TKT: variants seen among roughly 807,000 people sequenced by gnomAD.
TKT encodes the protein epididymis luminal protein 107.
A neutral mutation model predicts 63.9 loss-of-function variants in TKT; 47 were observed. The ratio of observed to expected loss-of-function variants is 0.74; its 90% CI spans 0.58 to 0.94. The LOEUF (loss-of-function observed/expected upper bound fraction) is 0.94, where lower values mean the gene tolerates loss of function less well. Among genes scored for constraint, TKT ranks in the 40% least tolerant of loss-of-function variants. The pLI, the probability that TKT is intolerant of heterozygous loss-of-function variation, is 0.00. For missense variants in TKT, 721 were observed against 846.2 expected, an observed-to-expected ratio of 0.85 and a Z score of 1.84; for synonymous variants, 338 against 334.1, an observed-to-expected ratio of 1.01 and a Z score of -0.13.
At chr3:53,230,734 T>C in intron 7 of TKT, 113 bp from the exon 8 acceptor site, 1 of 1,311,984 alleles carries the variant, frequency 7.6e-7, no homozygotes, top group Non-Finnish European at 1.0e-6. Flanking sequence ...ATGGAAGCCC[T>C]GGAGCACAAG....
intron 4 of TKT, among the ~76,000 whole-genome samples, chr3:53,236,912 T>C (rs2884495): frequency 0.38 from 58,186 of 151,934 alleles, 11,867 homozygotes; most frequent in East Asian, 0.57. Flanking sequence ...GCTGTTAGAG[T>C]TAGGGGTGGG....
Position 53,231,517 on chromosome 3 carries a change from G to A in TKT, c.782C>T (p.Pro261Leu), listed in dbSNP as rs942850990. The A allele has an allele frequency of 3.1e-6, 5 of 1,614,122 alleles. No homozygotes were observed. The highest frequency in any genetic ancestry group is 4.2e-6 in the Non-Finnish European group (5 of 1,180,012). ...VEDKESWHGK[P>L]LPKNMAEQII... is the part of the protein sequence containing the mutation. ...CTGCTCAGCCATGTTTTTGGGGAGGGGCTTCCCATGCCAAGACTCCTTATC... is the reference window on the plus strand; with the variant it reads ...CTGCTCAGCCATGTTTTTGGGGAGGAGCTTCCCATGCCAAGACTCCTTATC... Residue 261 changes from proline (P) to leucine (L), a missense_variant, in exon 7 of 14, where the codon CCC (proline) becomes CTC (leucine). Transcript: ENST00000462138.
At chr3:53,238,872 A>C (rs1228305531) in intron 4 of TKT, among the ~76,000 whole-genome samples, 1 of 152,234 alleles carries the variant, frequency 6.6e-6, no homozygotes, top group Admixed American at 6.5e-5. Flanking sequence ...ACAGCACATG[A>C]GCACTGAGCA....
At position 53,242,258 on chromosome 3, in the gene TKT, G is replaced by A. The variant is rs1553680083; in HGVS notation, c.108-16C>T. On this transcript the variant is annotated splice_polypyrimidine_tract_variant and intron_variant, in intron 1 of 13. Transcript: ENST00000462138. ...CGTGGGGTGGCTGTGGCCCAGGAGA[G>A]AAGACAGACACAGGCATCATGGCCC... 2.5e-6 allele frequency: 4 copies of A among 1,611,882 alleles called. No individual in the cohort carries two copies. Among genetic ancestry groups the A allele is most frequent in the Non-Finnish European group, 3.4e-6 (4 of 1,178,400 alleles).
At chr3:53,227,768 A>G in intron 12 of TKT, 1 of 350,386 alleles carries the variant, frequency 2.9e-6, no homozygotes, top group Non-Finnish European at 5.3e-6. Context: ...ATTCCAGCCC[A>G]GCTGGCAGGC....
At chr3:53,239,591 T>TC (rs1346617319) in intron 4 of TKT, among the ~76,000 whole-genome samples, 1 of 151,812 alleles carries the variant, frequency 6.6e-6, no homozygotes, top group African/African-American at 2.4e-5. Context: ...TACAACCTCA[T>TC]CCCCCCAGGC....
chr3:53,255,812 C>A, intron 1 of TKT, 24 bp downstream of exon 1: 1 of 1,450,990 alleles, frequency 6.9e-7, no homozygotes, highest in Non-Finnish European at 9.1e-7. Context: ...CGAGCCGCGT[C>A]CCCGGCCGGC....
At chr3:53,231,008 C>T (rs548658160) in intron 7 of TKT, among the ~76,000 whole-genome samples, 5 of 152,234 alleles carry the variant, frequency 3.3e-5, no homozygotes, top group Admixed American at 6.5e-5. Flanking sequence ...GACAGCTCTG[C>T]CTAGCCTTTC....
At chr3:53,254,818 A>G (rs1220827249) in intron 1 of TKT, among the ~76,000 whole-genome samples, 1 of 152,230 alleles carries the variant, frequency 6.6e-6, no homozygotes, top group Admixed American at 6.5e-5. Context: ...CTCCAGCTGC[A>G]TGCACGGTGG....
chr3:53,242,013 C>T, intron 2 of TKT, 112 bp downstream of exon 2: 3 of 977,702 alleles, frequency 3.1e-6, no homozygotes, highest in Middle Eastern at 5.6e-4. Context: ...GAGAAGGCAC[C>T]TGGGAGAGGT....
chr3:53,232,259 C>A (rs924668517), intron 6 of TKT: 8 of 397,952 alleles, frequency 2.0e-5, no homozygotes, highest in Non-Finnish European at 3.5e-5. Flanking sequence ...TTTTTAACAC[C>A]AGAGGGCAGT....
chr3:53,226,468 C>T (rs1704501844), intron 13 of TKT: 1 of 430,506 alleles, frequency 2.3e-6, no homozygotes, highest in Non-Finnish European at 4.2e-6. Context: ...TTCCACCCTA[C>T]ACTACCTCAG....
At position 53,255,852 on chromosome 3, in the gene TKT, T is replaced by C; in HGVS notation, c.91A>G (p.Thr31Ala). Reference sequence around the variant, plus strand: ...CGCACTCACCCAGAGCCCGCCGCAGTGGTGGCCTGGATGGAGCTGATACGT... The same window carrying C: ...CGCACTCACCCAGAGCCCGCCGCAGCGGTGGCCTGGATGGAGCTGATACGT... ...RLRISSIQATTAAGSGHPTSC... is the reference protein window; with the variant it reads ...RLRISSIQATAAAGSGHPTSC... Residue 31 changes from threonine to alanine, a missense_variant, in exon 1 of 14, where the codon ACT becomes GCT. By Grantham distance (58) the Thr-to-Ala change is moderately conservative. Coordinates refer to ENST00000462138, the MANE Select transcript of TKT (RefSeq NM_001064.4). 3 of 1,534,720 alleles carry C rather than the reference T, an allele frequency of 2.0e-6. No individual in the cohort carries two copies. The highest frequency in any genetic ancestry group is 2.6e-6 in the Non-Finnish European group (3 of 1,140,770).
At position 53,236,228 on chromosome 3, in the gene TKT, G is replaced by T. The variant is rs542590349; in HGVS notation, c.438-1054C>A. On this transcript the variant is annotated intron_variant, in intron 4 of 13. Transcript: ENST00000462138. ...ACATGGCTGCCCTCCTGCTCCTGCA[G>T]GAAAAGGCCCTCAACCCGGCTGCAT... is the stretch of plus-strand genomic sequence containing the variant. Among the ~76,000 whole-genome samples the T allele has an allele frequency of 2.4e-4, 37 of 152,330 alleles. 2 individuals carry two copies. The South Asian group carries it at 6.6e-3, about 27-fold the overall frequency.
chr3:53,249,045 C>T (rs1360257356), intron 1 of TKT, among the ~76,000 whole-genome samples: 2 of 151,988 alleles, frequency 1.3e-5, no homozygotes, highest in African/African-American at 4.8e-5. Flanking sequence ...TGGCTCACTG[C>T]AACCTCCGCC....
intron 3 of TKT, among the ~76,000 whole-genome samples, chr3:53,240,850 A>G (rs949394183): frequency 6.6e-6 from 1 of 152,112 alleles, no homozygotes; most frequent in Non-Finnish European, 1.5e-5. Flanking sequence ...GTAGCTACCT[A>G]GCCAAGGAGG....
chr3:53,229,342 C>T lies in TKT; in HGVS notation c.1202G>A (p.Arg401His). The change falls in exon 9 of 14, where the codon CGC (arginine) becomes CAC (histidine). Residue 401 changes from arginine (R) to histidine (H), a missense_variant. Coordinates refer to ENST00000462138, the MANE Select transcript of TKT (RefSeq NM_001064.4). ...GTTGCTCTCGGAGATGGCGGCCATG[C>T]GAATCTGGTCAAAGGCCCGCGTGAA... ...AFFTRAFDQI[R>H]MAAISESNIN... The T allele has an allele frequency of 5.0e-6, 8 of 1,613,842 alleles. No individual in the cohort carries two copies. The highest frequency in any genetic ancestry group is 1.1e-5 in the South Asian group (1 of 91,054).
intron 12 of TKT, 25 bp downstream of exon 12, chr3:53,228,031 G>T: frequency 6.2e-7 from 1 of 1,606,872 alleles, no homozygotes; most frequent in South Asian, 1.1e-5. Context: ...CTCAGTTGAT[G>T]ACTTTGGAGG....
At position 53,255,541 on chromosome 3, in the gene TKT, G is replaced by A. The variant is rs193300587; in HGVS notation, c.107+295C>T. ...GGCGAGTCGCGAGCCCATCCCCCGCGCCACCATGCAGCTGCGCGGCCGGCG... is the reference window on the plus strand; with the variant it reads ...GGCGAGTCGCGAGCCCATCCCCCGCACCACCATGCAGCTGCGCGGCCGGCG... On this transcript the variant is annotated intron_variant, in intron 1 of 13. Transcript: ENST00000462138. Among the ~76,000 whole-genome samples, 427 of 152,308 alleles carry A rather than the reference G, an allele frequency of 2.8e-3. 3 individuals are homozygous for A. Among genetic ancestry groups the A allele is most frequent in the Non-Finnish European group, 4.7e-3 (321 of 68,014 alleles).
Sources: gnomAD v4.1 joint callset for allele counts (sites outside exome capture counted in the v4.1 genomes callset) on GRCh38, gnomAD v4.1.1 for gene constraint, MANE v1.5 for transcripts, NCBI Gene and HGNC (gene_info 2026-07-23, HGNC 2026-07-21) for gene names.